The following CSMD1 variants were observed in gnomAD, a reference collection of about 807,000 sequenced individuals.
The protein encoded by CSMD1 is CUB and sushi domain-containing protein 1.
In CSMD1, 213 loss-of-function variants were observed where a neutral mutation model predicts 417.5. That is an observed-to-expected ratio of 0.51 (90% CI 0.46 to 0.57). The LOEUF (loss-of-function observed/expected upper bound fraction) is 0.57. Among genes scored for constraint, CSMD1 ranks in the 20% least tolerant of loss-of-function variants. The pLI, the probability that CSMD1 is intolerant of heterozygous loss-of-function variation, is 0.00. For synonymous variants in CSMD1, 2,862 were observed against 1,736.8 expected (o/e 1.65, Z -16.11); for missense variants, 6,923 against 4,529.7 (o/e 1.53, Z -15.17).
At chr8:3,953,152 A>T (rs1444803085) in intron 5 of CSMD1, among the ~76,000 whole-genome samples, 1 of 151,882 alleles carries the variant, frequency 6.6e-6, no homozygotes, top group Non-Finnish European at 1.5e-5. Context: ...ACCATTTATA[A>T]AAAAAAATCA....
At chr8:3,266,579 C>G (rs892513141) in intron 26 of CSMD1, among the ~76,000 whole-genome samples, 1 of 127,850 alleles carries the variant, frequency 7.8e-6, no homozygotes, top group Non-Finnish European at 1.6e-5. Context: ...GCATTCCAGC[C>G]TGGTGGCAGA....
chr8:3,542,203 ATACT>A (rs903866367), intron 10 of CSMD1, among the ~76,000 whole-genome samples: 4 of 152,102 alleles, frequency 2.6e-5, no homozygotes, highest in African/African-American at 7.2e-5. Context: ...CTTAATATTG[ATACT>A]TACCTCTTAT....
chr8:4,304,047 C>T (rs777904180), intron 3 of CSMD1, among the ~76,000 whole-genome samples: 1 of 152,112 alleles, frequency 6.6e-6, no homozygotes, highest in Admixed American at 6.6e-5. Flanking sequence ...GATGAGAGAA[C>T]CAGGGGATCA....
chr8:3,256,455 A>C (rs1257549212), intron 26 of CSMD1, among the ~76,000 whole-genome samples: 2 of 152,214 alleles, frequency 1.3e-5, no homozygotes, highest in Non-Finnish European at 2.9e-5. Context: ...CCCTTCTCCT[A>C]ACTTTTTATT....
chr8:4,213,289 C>T (rs1230453515), intron 3 of CSMD1, among the ~76,000 whole-genome samples: 1 of 152,138 alleles, frequency 6.6e-6, no homozygotes, highest in Non-Finnish European at 1.5e-5. Flanking sequence ...GTCTAATGAG[C>T]AGCTCTGCTC....
intron 3 of CSMD1, among the ~76,000 whole-genome samples, chr8:4,061,324 C>T (rs747837394): frequency 6.6e-6 from 1 of 152,026 alleles, no homozygotes; most frequent in African/African-American, 2.4e-5. Context: ...TAACAAGGAA[C>T]CACTAAAAAT....
intron 3 of CSMD1, among the ~76,000 whole-genome samples, chr8:4,179,558 A>C (rs1048979949): frequency 4.7e-5 from 7 of 150,522 alleles, no homozygotes; most frequent in Non-Finnish European, 1.0e-4. Flanking sequence ...CAATGACAAC[A>C]AAAGACAAAA....
intron 11 of CSMD1, among the ~76,000 whole-genome samples, chr8:3,482,710 G>A (rs1489270521): frequency 6.6e-6 from 1 of 152,114 alleles, no homozygotes; most frequent in Admixed American, 6.5e-5. Context: ...GCTGACAAAA[G>A]ATAAATCACA....
chr8:3,068,083 C>T (rs1045108792), intron 49 of CSMD1, among the ~76,000 whole-genome samples: 1 of 152,098 alleles, frequency 6.6e-6, no homozygotes, highest in African/African-American at 2.4e-5. Flanking sequence ...GGAAATCTCA[C>T]TGCATGTGTC....
At chr8:3,520,775 C>G (rs1797474131) in intron 10 of CSMD1, among the ~76,000 whole-genome samples, 1 of 152,038 alleles carries the variant, frequency 6.6e-6, no homozygotes, top group African/African-American at 2.4e-5. Context: ...CAGCCAGTCT[C>G]CAAACCCCAT....
At chr8:3,058,439 T>C (rs1042901805) in intron 49 of CSMD1, among the ~76,000 whole-genome samples, 2 of 152,204 alleles carry the variant, frequency 1.3e-5, no homozygotes, top group African/African-American at 2.4e-5. Flanking sequence ...ACTTTCTTGA[T>C]ACACGAAAAC....
At chr8:3,426,664 T>C (rs28514388) in intron 12 of CSMD1, among the ~76,000 whole-genome samples, 14,096 of 152,286 alleles carry the variant, frequency 0.093, 807 homozygotes, top group Middle Eastern at 0.16. Context: ...TAAAAACTTG[T>C]CAACTTACTT....
At chr8:3,811,948 T>C (rs919234791) in intron 5 of CSMD1, among the ~76,000 whole-genome samples, 14 of 152,352 alleles carry the variant, frequency 9.2e-5, no homozygotes, top group East Asian at 5.8e-4. Context: ...GGAAAGGCTT[T>C]TGTTTGTTTT....
intron 26 of CSMD1, among the ~76,000 whole-genome samples, chr8:3,273,358 A>G (rs1227927261): frequency 1.3e-5 from 2 of 152,104 alleles, no homozygotes; most frequent in Admixed American, 6.6e-5. Flanking sequence ...GGATTTTTAC[A>G]TCAATGTTCA....
chr8:3,942,415 A>C (rs1417957456), intron 5 of CSMD1, among the ~76,000 whole-genome samples: 1 of 152,118 alleles, frequency 6.6e-6, no homozygotes, highest in African/African-American at 2.4e-5. Flanking sequence ...GCTAAGGCAA[A>C]GCATTACATT....
At chr8:3,950,447 C>T (rs1369207117) in intron 5 of CSMD1, among the ~76,000 whole-genome samples, 1 of 152,178 alleles carries the variant, frequency 6.6e-6, no homozygotes, top group Non-Finnish European at 1.5e-5. Flanking sequence ...GGATCTCCAA[C>T]GCATGAGTGG....
intron 3 of CSMD1, among the ~76,000 whole-genome samples, chr8:4,128,885 T>A (rs140569668): frequency 6.6e-6 from 1 of 152,114 alleles, no homozygotes; most frequent in East Asian, 1.9e-4. Context: ...ATCATGAATA[T>A]TTCTGTCTCG....
chr8:4,399,180 A>G (rs1330249420), intron 3 of CSMD1, among the ~76,000 whole-genome samples: 2 of 152,170 alleles, frequency 1.3e-5, no homozygotes, highest in Non-Finnish European at 2.9e-5. Flanking sequence ...TAATAAATAA[A>G]GATGATCCTA....
intron 10 of CSMD1, among the ~76,000 whole-genome samples, chr8:3,496,543 G>T (rs188436703): frequency 6.6e-6 from 1 of 152,136 alleles, no homozygotes; most frequent in Admixed American, 6.5e-5. Flanking sequence ...ATATCTCATA[G>T]GTTTTGGTAT....
Sources: gnomAD v4.1 joint callset for allele counts (sites outside exome capture counted in the v4.1 genomes callset) on GRCh38, gnomAD v4.1.1 for gene constraint, MANE v1.5 for transcripts, NCBI Gene and HGNC (gene_info 2026-07-23, HGNC 2026-07-21) for gene names.